Variants in BACH2 observed in about 807,000 individuals in gnomAD.
BACH2 encodes the protein transcription regulator protein BACH2.
A neutral mutation model predicts 61.8 loss-of-function variants in BACH2; 5 were observed. The ratio of observed to expected loss-of-function variants is 0.08; its 90% CI spans 0.04 to 0.17. The LOEUF is 0.17. BACH2 is among the 10% of genes least tolerant of loss of function. The pLI is 1.00. For synonymous variants in BACH2, 446 were observed against 440.1 expected, an observed-to-expected ratio of 1.01 and a Z score of -0.17; for missense variants, 824 against 1,091.1, an observed-to-expected ratio of 0.76 and a Z score of 3.45.
At position 89,991,006 on chromosome 6, in the gene BACH2, T is replaced by C. The variant is rs1474477695; in HGVS notation, c.243+17596A>G. On this transcript the variant is annotated intron_variant, in intron 6 of 8. Coordinates refer to ENST00000257749, the MANE Select transcript of BACH2 (RefSeq NM_021813.4). ...CCTTCCTTGGCCATCCCATCTAACG[T>C]TGCACTTCCCTAAATTACTGTCTAT... 3.3e-5 allele frequency among the ~76,000 whole-genome samples: 5 copies of C among 152,220 alleles called. 1 individual carries two copies. In the South Asian group the frequency reaches 8.3e-4, roughly 25 times the overall value.
intron 7 of BACH2, among the ~76,000 whole-genome samples, chr6:89,943,256 A>C (rs914046717): frequency 3.3e-5 from 5 of 152,204 alleles, no homozygotes; most frequent in Non-Finnish European, 7.4e-5. Context: ...GGCAGAGGGG[A>C]GGCTGTAGGC....
chr6:90,005,735 C>T (rs1241228860), intron 6 of BACH2, among the ~76,000 whole-genome samples: 1 of 152,184 alleles, frequency 6.6e-6, no homozygotes, highest in Non-Finnish European at 1.5e-5. Context: ...TTGCATGTTC[C>T]ATCAACAAGA....
In BACH2 at chr6:89,968,441, T is replaced by G. The variant is rs144711619; in HGVS notation, c.244-16579A>C. On this transcript the variant is annotated intron_variant, in intron 6 of 8. Transcript: ENST00000257749. Reference sequence around the variant, plus strand: ...AATCTGTTAAAAATCTGCATTGTGATGAAAGTGTATTTTTTTAAGAAGGCA... The same window carrying G: ...AATCTGTTAAAAATCTGCATTGTGAGGAAAGTGTATTTTTTTAAGAAGGCA... Among the ~76,000 whole-genome samples, 402 of 152,384 alleles carry G rather than the reference T, an allele frequency of 2.6e-3. 1 individual carries two copies. The highest frequency in any genetic ancestry group is 9.3e-3 in the African/African-American group (387 of 41,590).
intron 4 of BACH2, among the ~76,000 whole-genome samples, chr6:90,140,690 G>T (rs1784430459): frequency 6.6e-6 from 1 of 152,160 alleles, no homozygotes; most frequent in Non-Finnish European, 1.5e-5. Context: ...TGAGGTGGAG[G>T]AAGAAGGGAG....
chr6:90,023,322 C>A (rs1045144065), intron 5 of BACH2, among the ~76,000 whole-genome samples: 2 of 151,990 alleles, frequency 1.3e-5, no homozygotes, highest in African/African-American at 4.8e-5. Context: ...AACACCATCC[C>A]CCTTGGAGCT....
At chr6:89,935,913 C>A (rs1772993968) in intron 8 of BACH2, among the ~76,000 whole-genome samples, 1 of 152,200 alleles carries the variant, frequency 6.6e-6, no homozygotes, top group Non-Finnish European at 1.5e-5. Context: ...TTTCAGAAGA[C>A]CCACACTCAC....
chr6:90,270,287 T>C (rs147438601), intron 2 of BACH2, among the ~76,000 whole-genome samples: 1,786 of 152,272 alleles, frequency 0.012, 48 homozygotes, highest in African/African-American at 0.041. Flanking sequence ...CTTTTAGTTC[T>C]TTAAGGAATC....
At position 90,194,301 on chromosome 6, in the gene BACH2, T is replaced by C. The variant is rs990544581; in HGVS notation, c.-162+12268A>G. ...GACAGGGTAACTGATACAGAATAAA[T>C]ACTGGATACCATTTTCCATTTTTGA... On this transcript the variant is annotated intron_variant, in intron 4 of 8. Coordinates refer to ENST00000257749, the MANE Select transcript of BACH2 (RefSeq NM_021813.4). 8.5e-5 allele frequency among the ~76,000 whole-genome samples: 13 copies of C among 152,234 alleles called. No homozygotes were observed. In the South Asian group the frequency reaches 1.9e-3, roughly 22 times the overall value.
At position 89,927,837 on chromosome 6, in the gene BACH2, ACTTT is replaced by A. The variant is rs1485071052; in HGVS notation, c.*4567_*4570del. 2 of 152,772 alleles carry A rather than the reference ACTTT, an allele frequency of 1.3e-5. No homozygotes were observed. Among genetic ancestry groups the A allele is most frequent in the Non-Finnish European group, 2.9e-5 (2 of 68,038 alleles). 9.5% of individuals were successfully genotyped at this position (152,772 alleles called of 1,614,324 possible). ...TTTATGCTCAATCTGCCACAATGAG[ACTTT>A]TCTATGTACAAATGCTATTTGCACA... On this transcript the variant is annotated 3_prime_UTR_variant, in exon 9 of 9. Transcript: ENST00000257749.
intron 6 of BACH2, among the ~76,000 whole-genome samples, chr6:89,966,566 A>AAGTC (rs1406953959): frequency 6.6e-6 from 1 of 152,222 alleles, no homozygotes; most frequent in African/African-American, 2.4e-5. Context: ...TAAGAGCATG[A>AAGTC]AGTCAGGTTT....
intron 5 of BACH2, among the ~76,000 whole-genome samples, chr6:90,013,251 T>C (rs1020080229): frequency 2.6e-5 from 4 of 152,198 alleles, no homozygotes; most frequent in African/African-American, 9.6e-5. Context: ...TTGGATAATT[T>C]TAATGTCTTT....
In BACH2 at chr6:89,994,895, A is replaced by ACACGTTCT. The variant is rs544122415; in HGVS notation, c.243+13699_243+13706dup. 2.9e-4 allele frequency among the ~76,000 whole-genome samples: 44 copies of ACACGTTCT among 152,322 alleles called. No individual in the cohort carries two copies. In the East Asian group the frequency reaches 8.3e-3, roughly 29 times the overall value. On this transcript the variant is annotated intron_variant, in intron 6 of 8. Transcript: ENST00000257749. ...CACCCTGTTGATATTTTTACTTTGC[A>ACACGTTCT]CACGTTCTCATGGCTCTTCGTATGT... is the stretch of plus-strand genomic sequence containing the variant.
Position 89,950,901 on chromosome 6 carries a change from ACCT to A in BACH2, c.1202_1204del (p.Glu401del), listed in dbSNP as rs778118731. 5 of 1,596,630 alleles carry A rather than the reference ACCT, an allele frequency of 3.1e-6. No homozygotes were observed. In the African/African-American group the frequency reaches 6.7e-5, roughly 21 times the overall value. ...GGGCGACCCCATGGTGAAGTTGGAC[ACCT>A]CCTTCTGGCCCACGTGGGGCTGTCC... On this transcript the variant is annotated inframe_deletion, in exon 7 of 9. Transcript: ENST00000257749. The surrounding 1 kb of genome is among the most constrained non-coding windows in gnomAD (Gnocchi z 5.3).
intron 4 of BACH2, among the ~76,000 whole-genome samples, chr6:90,159,713 G>T (rs1785123657): frequency 6.6e-6 from 1 of 152,182 alleles, no homozygotes; most frequent in African/African-American, 2.4e-5. Flanking sequence ...CAGGAGAAAA[G>T]GAAATGGATG....
chr6:90,113,725 T>C (rs1261495870), intron 4 of BACH2, among the ~76,000 whole-genome samples: 1 of 151,524 alleles, frequency 6.6e-6, no homozygotes, highest in African/African-American at 2.4e-5. Context: ...ATTCAAAATA[T>C]CAATGAATCC....
chr6:90,100,686 T>TACAC (rs144228722), intron 4 of BACH2, among the ~76,000 whole-genome samples: 8 of 54,474 alleles, frequency 1.5e-4, no homozygotes, highest in Admixed American at 1.0e-3. Flanking sequence ...TCTCTCTCTC[T>TACAC]ACACACACAC....
chr6:89,934,588 G>A (rs1394418807), intron 8 of BACH2, among the ~76,000 whole-genome samples: 1 of 152,112 alleles, frequency 6.6e-6, no homozygotes, highest in Non-Finnish European at 1.5e-5. Flanking sequence ...GAATCCGGGA[G>A]GTGGAGGTTG....
rs1471453876 is a variant in BACH2, at chr6:90,290,510, C to A, written c.-446+5970G>T. ...GCCTCTAAGCAACAGTATTTCTGGA[C>A]ACTTGGCCCATTTTGCACTATCCAC... On this transcript the variant is annotated intron_variant, in intron 1 of 8. Coordinates refer to ENST00000257749, the MANE Select transcript of BACH2 (RefSeq NM_021813.4). 8.5e-5 allele frequency among the ~76,000 whole-genome samples: 13 copies of A among 152,326 alleles called. No homozygotes were observed. The East Asian group carries it at 2.5e-3, about 29-fold the overall frequency.
chr6:90,133,220 A>C (rs1021393424), intron 4 of BACH2, among the ~76,000 whole-genome samples: 2 of 152,210 alleles, frequency 1.3e-5, no homozygotes, highest in Admixed American at 6.5e-5. Flanking sequence ...AGCAATCATA[A>C]TATTAAATAA....
Sources: allele counts gnomAD v4.1 joint callset (sites outside exome capture counted in the v4.1 genomes callset), GRCh38; gene constraint gnomAD v4.1.1; non-coding constraint Gnocchi (gnomAD v3.1); transcripts MANE v1.5; gene names NCBI Gene and HGNC (gene_info 2026-07-23, HGNC 2026-07-21).